The following NXPH1 variants were observed in gnomAD, a reference collection of about 807,000 sequenced individuals.
The protein encoded by NXPH1 is neurexophilin 1, also known as neurexophilin-1.
NXPH1 carries 5 observed loss-of-function variants against 23.7 expected under a neutral mutation model. The ratio of observed to expected loss-of-function variants is 0.21; its 90% CI spans 0.11 to 0.44. NXPH1 has a LOEUF of 0.44. NXPH1 is among the 20% of genes least tolerant of loss of function. The pLI, the probability that NXPH1 is intolerant of heterozygous loss-of-function variation, is 0.99. For synonymous variants in NXPH1, 144 were observed against 122.2 expected, an observed-to-expected ratio of 1.18 and a Z score of -1.18; for missense variants, 324 against 321.6, an observed-to-expected ratio of 1.01 and a Z score of -0.06.
chr7:8,562,694 T>A (rs9718889), intron 2 of NXPH1, among the ~76,000 whole-genome samples: 2 of 151,848 alleles, frequency 1.3e-5, no homozygotes, highest in South Asian at 4.1e-4. Context: ...CTAATGGATA[T>A]TGTCTTAACA....
At chr7:8,710,640 G>GTTTTTTT (rs1368543367) in intron 2 of NXPH1, among the ~76,000 whole-genome samples, 2 of 27,672 alleles carry the variant, frequency 7.2e-5, no homozygotes, top group Non-Finnish European at 1.2e-4. Flanking sequence ...CAACTGTTAC[G>GTTTTTTT]TTTTTTGTTT....
chr7:8,737,805 A>T (rs1780288031), intron 2 of NXPH1, among the ~76,000 whole-genome samples: 1 of 152,154 alleles, frequency 6.6e-6, no homozygotes, highest in South Asian at 2.1e-4. Context: ...ACACGTTCAC[A>T]TATTTCTTGG....
At chr7:8,547,570 T>A (rs1313435764) in intron 2 of NXPH1, among the ~76,000 whole-genome samples, 1 of 151,444 alleles carries the variant, frequency 6.6e-6, no homozygotes, top group East Asian at 1.9e-4. Context: ...AGGGGATTAG[T>A]CTTCTAGTGT....
At chr7:8,448,502 T>C (rs1161677843) in intron 2 of NXPH1, among the ~76,000 whole-genome samples, 5 of 152,176 alleles carry the variant, frequency 3.3e-5, no homozygotes, top group African/African-American at 4.8e-5. Context: ...GATAGTTACC[T>C]TTACGATTAC....
chr7:8,697,157 CAAAAAAAAAAAAAA>C (rs139349283), intron 2 of NXPH1, among the ~76,000 whole-genome samples: 3 of 104,854 alleles, frequency 2.9e-5, no homozygotes, highest in South Asian at 3.4e-4. Flanking sequence ...GATTCTGTTT[CAAAAAAAAAAAAAA>C]AAAAAAAAAG....
intron 2 of NXPH1, among the ~76,000 whole-genome samples, chr7:8,548,306 G>A (rs748945221): frequency 2.3e-4 from 35 of 151,612 alleles, no homozygotes; most frequent in Admixed American, 1.3e-3. Flanking sequence ...TTCCATGTTG[G>A]ACATCGCCCT....
chr7:8,577,946 A>G (rs1818786086), intron 2 of NXPH1, among the ~76,000 whole-genome samples: 1 of 152,232 alleles, frequency 6.6e-6, no homozygotes, highest in Admixed American at 6.5e-5. Context: ...ATCCAGCCCT[A>G]TGCAAGCCTT....
Position 8,737,537 on chromosome 7 carries a change from T to C in NXPH1, c.55-13471T>C, listed in dbSNP as rs7809800. The stretch of plus-strand genomic sequence containing the variant: ...GATGGGCTTCCCTTTGTGGGTAACC[T>C]GACCTTTCTCTCTGGCTGCCCTTAA... On this transcript the variant is annotated intron_variant, in intron 2 of 2. Coordinates refer to ENST00000405863, the MANE Select transcript of NXPH1 (RefSeq NM_152745.3). 3.7e-3 allele frequency among the ~76,000 whole-genome samples: 558 copies of C among 152,318 alleles called. 2 individuals are homozygous for C. Among genetic ancestry groups the C allele is most frequent in the African/African-American group, 0.013 (527 of 41,574 alleles).
chr7:8,713,785 T>C (rs1202539271), intron 2 of NXPH1, among the ~76,000 whole-genome samples: 1 of 152,216 alleles, frequency 6.6e-6, no homozygotes, highest in African/African-American at 2.4e-5. Flanking sequence ...CAGAGATTCG[T>C]GTTCTCTTCC....
chr7:8,472,541 C>G (rs1816886715), intron 2 of NXPH1, among the ~76,000 whole-genome samples: 1 of 152,092 alleles, frequency 6.6e-6, no homozygotes, highest in Non-Finnish European at 1.5e-5. Flanking sequence ...CTTTTTGCCT[C>G]TAGTGCTGTC....
Position 8,449,355 on chromosome 7 carries a change from A to G in NXPH1, c.54+13588A>G, listed in dbSNP as rs112379542. Among the ~76,000 whole-genome samples, 656 of 152,336 alleles carry G rather than the reference A, an allele frequency of 4.3e-3. 5 individuals are homozygous for G. Among genetic ancestry groups the G allele is most frequent in the African/African-American group, 0.015 (631 of 41,564 alleles). On this transcript the variant is annotated intron_variant, in intron 2 of 2. Coordinates refer to ENST00000405863, the MANE Select transcript of NXPH1 (RefSeq NM_152745.3). Reference sequence around the variant, plus strand: ...AACACTATTTTGTTTTATATTTGACATTAGAGTGGGGAAGGTGTAAAGACT... The same window carrying G: ...AACACTATTTTGTTTTATATTTGACGTTAGAGTGGGGAAGGTGTAAAGACT...
At chr7:8,737,159 T>G (rs929558334) in intron 2 of NXPH1, among the ~76,000 whole-genome samples, 43 of 152,308 alleles carry the variant, frequency 2.8e-4, no homozygotes, top group African/African-American at 9.9e-4. Context: ...GTGTGTGAAT[T>G]TGATCATGTC....
At chr7:8,715,023 G>T (rs1313915942) in intron 2 of NXPH1, among the ~76,000 whole-genome samples, 3 of 152,166 alleles carry the variant, frequency 2.0e-5, no homozygotes, top group Admixed American at 6.5e-5. Flanking sequence ...TTGCCTAGGA[G>T]TTGCAGTCCT....
chr7:8,697,800 C>G (rs559138279), intron 2 of NXPH1, among the ~76,000 whole-genome samples: 1 of 152,228 alleles, frequency 6.6e-6, no homozygotes, highest in African/African-American at 2.4e-5. Context: ...ACTGTAAGTA[C>G]AGAGGCTAGA....
chr7:8,605,810 T>C (rs1485832668), intron 2 of NXPH1, among the ~76,000 whole-genome samples: 2 of 152,078 alleles, frequency 1.3e-5, no homozygotes, highest in Non-Finnish European at 2.9e-5. Context: ...CAGAAGGGGC[T>C]GTGTGGAAGT....
intron 2 of NXPH1, among the ~76,000 whole-genome samples, chr7:8,472,981 C>T (rs1044814674): frequency 1.3e-5 from 2 of 152,154 alleles, no homozygotes; most frequent in Non-Finnish European, 2.9e-5. Flanking sequence ...GAAACATCTC[C>T]TTGTGGGCCT....
At chr7:8,686,319 A>C (rs1307288553) in intron 2 of NXPH1, among the ~76,000 whole-genome samples, 1 of 152,102 alleles carries the variant, frequency 6.6e-6, no homozygotes, top group Non-Finnish European at 1.5e-5. Flanking sequence ...TGCTGTCAAA[A>C]TTCAAAAAGA....
chr7:8,540,502 G>A (rs1057456401), intron 2 of NXPH1, among the ~76,000 whole-genome samples: 5 of 151,868 alleles, frequency 3.3e-5, no homozygotes, highest in Admixed American at 1.3e-4. Context: ...CACTGTGCAG[G>A]GAAGGAAAAC....
intron 2 of NXPH1, among the ~76,000 whole-genome samples, chr7:8,701,404 G>T (rs1376359131): frequency 3.2e-4 from 49 of 151,960 alleles, no homozygotes; most frequent in Non-Finnish European, 8.8e-5. Context: ...TCCTGTGGCT[G>T]CCTGTTCCCT....
Sources: gnomAD v4.1 joint callset for allele counts (sites outside exome capture counted in the v4.1 genomes callset) on GRCh38, gnomAD v4.1.1 for gene constraint, MANE v1.5 for transcripts, NCBI Gene and HGNC (gene_info 2026-07-23, HGNC 2026-07-21) for gene names.